The following OGDH variants were observed in gnomAD, a reference collection of about 807,000 sequenced individuals.
OGDH encodes the protein 2-oxoglutarate dehydrogenase complex component E1.
Under a neutral mutation model 116.6 loss-of-function variants are expected in OGDH, and 38 were observed. The observed-to-expected ratio is 0.33, with a 90% CI of 0.25 to 0.43. The LOEUF is 0.43. Ranked by LOEUF, OGDH falls within the 20% of genes least tolerant of loss-of-function variation. The pLI is 1.00. For missense variants in OGDH, 825 were observed against 1,357.2 expected (o/e 0.61, Z 6.16); for synonymous variants, 488 against 533.3 (o/e 0.92, Z 1.17).
intron 20 of OGDH, among the ~76,000 whole-genome samples, chr7:44,704,271 G>T (rs1294926525): frequency 6.6e-6 from 1 of 152,098 alleles, no homozygotes; most frequent in African/African-American, 2.4e-5. Context: ...ATATTTCATT[G>T]TGGCTTTGAT....
At chr7:44,700,067 C>G in intron 18 of OGDH, 74 bp from the exon 19 acceptor site, 2 of 1,514,160 alleles carry the variant, frequency 1.3e-6, no homozygotes, top group South Asian at 2.4e-5. Context: ...AACTAGATCA[C>G]CTGAGGGCCC....
intron 2 of OGDH, among the ~76,000 whole-genome samples, chr7:44,633,471 C>T (rs990418907): frequency 1.3e-5 from 2 of 151,976 alleles, no homozygotes; most frequent in Non-Finnish European, 2.9e-5. Flanking sequence ...AGGTTAGTGC[C>T]GGTTTTTTAG....
chr7:44,663,884 G>A (rs1464060665), intron 4 of OGDH, among the ~76,000 whole-genome samples: 1 of 151,616 alleles, frequency 6.6e-6, no homozygotes, highest in African/African-American at 2.4e-5. Flanking sequence ...AGGTTGCAGT[G>A]AGCAGTGATC....
chr7:44,699,995 C>T (rs553014463), intron 18 of OGDH, 146 bp from the exon 19 acceptor site: 96 of 858,738 alleles, frequency 1.1e-4, no homozygotes, highest in Non-Finnish European at 1.7e-4. Context: ...TCCCACCAGG[C>T]CCCACCTCCA....
At chr7:44,693,673 A>T in intron 10 of OGDH, 152 bp from the exon 11 acceptor site, 1 of 497,392 alleles carries the variant, frequency 2.0e-6, no homozygotes, top group Non-Finnish European at 3.5e-6. Context: ...GGAAAAAACA[A>T]AGGAAAAGAA....
At chr7:44,667,253 A>G (rs1176584152) in intron 5 of OGDH, among the ~76,000 whole-genome samples, 2 of 152,058 alleles carry the variant, frequency 1.3e-5, no homozygotes, top group East Asian at 1.9e-4. Flanking sequence ...GTCTTTTTAA[A>G]AATTGTAAGG....
Position 44,666,799 on chromosome 7 carries a change from T to G in OGDH, c.581T>G (p.Ile194Ser). 1 of 1,613,360 alleles carries G rather than the reference T, an allele frequency of 6.2e-7. No individual in the cohort carries two copies. The highest frequency in any genetic ancestry group is 8.5e-7 in the Non-Finnish European group (1 of 1,179,640). ...TTCCACTTGCCCACCACCACTTTCA[T>G]CGGGGGACAGGAATCAGCACTTCCT... ...KVFHLPTTTFIGGQESALPLR... is the reference protein window; with the variant it reads ...KVFHLPTTTFSGGQESALPLR... Residue 194 changes from isoleucine (I) to serine (S), a missense_variant, in exon 5 of 23, where the codon ATC (isoleucine) becomes AGC (serine). By Grantham distance (142) the Ile-to-Ser change is moderately radical (BLOSUM62 -2). Transcript: ENST00000222673.
At chr7:44,686,411 T>G (rs1175090264) in intron 10 of OGDH, among the ~76,000 whole-genome samples, 2 of 152,204 alleles carry the variant, frequency 1.3e-5, no homozygotes, top group Non-Finnish European at 2.9e-5. Context: ...GATGACCATA[T>G]AGTTTGCTAA....
At chr7:44,627,819 G>C (rs1030163132) in intron 2 of OGDH, among the ~76,000 whole-genome samples, 1 of 152,102 alleles carries the variant, frequency 6.6e-6, no homozygotes, top group Admixed American at 6.5e-5. Context: ...CAGGATTACA[G>C]ATACGCGCCA....
Position 44,707,799 on chromosome 7 carries a change from GC to G in OGDH, c.2951+65del. On this transcript the variant is annotated intron_variant, in intron 22 of 22. Coordinates refer to ENST00000222673, the MANE Select transcript of OGDH (RefSeq NM_002541.4). This position sits in a 1 kb window ranked among gnomAD's most constrained non-coding sequence, Gnocchi z 5.2. ...CTCCCCTCAGGCCAGTAGGCAGTTA[GC>G]CAGGCACATGCAGCAGAGGGATGGG... 3 of 1,610,934 alleles carry G rather than the reference GC, an allele frequency of 1.9e-6. No individual in the cohort carries two copies. The South Asian group carries it at 3.3e-5, about 18-fold the overall frequency.
At chr7:44,642,490 A>G (rs764021838) in intron 2 of OGDH, among the ~76,000 whole-genome samples, 6 of 152,176 alleles carry the variant, frequency 3.9e-5, no homozygotes, top group Non-Finnish European at 5.9e-5. Context: ...GTTGGGTTAC[A>G]TTTGTATAAG....
At chr7:44,695,461 C>T (rs2116349660) in intron 12 of OGDH, among the ~76,000 whole-genome samples, 1 of 152,050 alleles carries the variant, frequency 6.6e-6, no homozygotes, top group East Asian at 1.9e-4. Flanking sequence ...AATTGCAGCA[C>T]TTTGGGAGAC....
chr7:44,656,137 C>A (rs747639192), intron 4 of OGDH, among the ~76,000 whole-genome samples: 5 of 152,116 alleles, frequency 3.3e-5, no homozygotes, highest in Non-Finnish European at 7.4e-5. Context: ...AAAATTGACC[C>A]CCTGACCATG....
chr7:44,693,798 T>A (rs1482093097), intron 10 of OGDH, 27 bp from the exon 11 acceptor site: 1 of 1,544,474 alleles, frequency 6.5e-7, no homozygotes, highest in African/African-American at 1.4e-5. Flanking sequence ...CCAGGTGCCC[T>A]CTTGCTAGGC....
chr7:44,646,230 G>C (rs1241289930), intron 3 of OGDH, among the ~76,000 whole-genome samples: 1 of 152,182 alleles, frequency 6.6e-6, no homozygotes, highest in Non-Finnish European at 1.5e-5. Flanking sequence ...AAGTGAGCCT[G>C]GTGCTTCCCT....
chr7:44,694,547 C>T lies in OGDH; in HGVS notation c.1639C>T (p.Gln547Ter), dbSNP rs775737133. ...GAAGTACGCTGAGCTGCTGGTGTCGCAGGGTGTGGTCAACCAGCCTGAGTA... is the reference window on the plus strand; with the variant it reads ...GAAGTACGCTGAGCTGCTGGTGTCGTAGGGTGTGGTCAACCAGCCTGAGTA... The part of the protein sequence containing the change: ...LQKYAELLVS[Q>*]GVVNQPEYEE... The change falls in exon 12 of 23, where the codon CAG becomes TAG. Residue 547 changes from glutamine to a stop codon, truncating the protein, a stop_gained. Transcript: ENST00000222673. LOFTEE classifies it high-confidence loss of function. This position sits in a 1 kb window ranked among gnomAD's most constrained non-coding sequence, Gnocchi z 4.2. 4 of 1,613,976 alleles carry T rather than the reference C, an allele frequency of 2.5e-6. No individual in the cohort carries two copies. The African/African-American group carries it at 5.3e-5, about 22-fold the overall frequency.
intron 10 of OGDH, among the ~76,000 whole-genome samples, chr7:44,690,829 T>C (rs138575346): frequency 1.6e-4 from 24 of 152,356 alleles, no homozygotes; most frequent in African/African-American, 5.5e-4. Context: ...GACTTCCTGC[T>C]GCAGGCCCTT....
intron 2 of OGDH, among the ~76,000 whole-genome samples, chr7:44,626,463 A>C (rs1156686216): frequency 1.3e-5 from 2 of 152,140 alleles, no homozygotes; most frequent in South Asian, 4.1e-4. Context: ...CCTTTTCTCA[A>C]ACATAACCTT....
intron 1 of OGDH, among the ~76,000 whole-genome samples, chr7:44,616,921 A>T (rs1784827892): frequency 7.7e-6 from 1 of 129,314 alleles, no homozygotes; most frequent in African/African-American, 2.8e-5. Context: ...ACTGCACTCC[A>T]TCCTGGACGA....
Sources: allele counts gnomAD v4.1 joint callset (sites outside exome capture counted in the v4.1 genomes callset), GRCh38; gene constraint gnomAD v4.1.1; non-coding constraint Gnocchi (gnomAD v3.1); transcripts MANE v1.5; gene names NCBI Gene and HGNC (gene_info 2026-07-23, HGNC 2026-07-21).